The following KIRREL3 variants were observed in gnomAD, a reference collection of about 807,000 sequenced individuals.
KIRREL3 encodes the protein kin of IRRE-like protein 3.
KIRREL3 carries 36 observed loss-of-function variants against 89.7 expected under a neutral mutation model. That is an observed-to-expected ratio of 0.40 (90% CI 0.31 to 0.53). KIRREL3 has a LOEUF of 0.53. Ranked by LOEUF, KIRREL3 falls within the 20% of genes least tolerant of loss-of-function variation. The probability of loss-of-function intolerance (pLI) is 0.49; values close to 1 mark genes in which losing one functional copy is unlikely to be tolerated. For synonymous variants in KIRREL3, 445 were observed against 441.4 expected (o/e 1.01, Z -0.10); for missense variants, 864 against 1,056.6 (o/e 0.82, Z 2.53).
chr11:126,521,511 G>A lies in KIRREL3; in HGVS notation c.284-47C>T, dbSNP rs1958586038. On this transcript the variant is annotated intron_variant, in intron 3 of 16. Coordinates refer to ENST00000525144, the MANE Select transcript of KIRREL3 (RefSeq NM_032531.4). The surrounding 1 kb of genome is among the most constrained non-coding windows in gnomAD (Gnocchi z 4.1). ...CAGGGAGCTGGGGTGGGGTGGAGGG[G>A]ACACCCATGACAAAGAGGCACAGAA... is the stretch of plus-strand genomic sequence containing the variant. 1.3e-6 allele frequency: 2 copies of A among 1,516,408 alleles called. No homozygotes were observed. Among genetic ancestry groups the A allele is most frequent in the Admixed American group, 2.0e-5 (1 of 51,206 alleles). 93.9% of individuals were successfully genotyped at this position (1,516,408 alleles called of 1,614,324 possible). A position where few individuals can be genotyped will look rare whatever the true frequency, so the allele number is the denominator to read the frequency against.
At position 126,424,537 on chromosome 11, in the gene KIRREL3, C is replaced by T. The variant is rs768631658; in HGVS notation, c.*43G>A. On this transcript the variant is annotated 3_prime_UTR_variant, in exon 17 of 17. Coordinates refer to ENST00000525144, the MANE Select transcript of KIRREL3 (RefSeq NM_032531.4). ...CGTCCCTGGACAACCAGAACGTGCC[C>T]TGACCTCTTCCCTGGCCCGTCCCCA... 1 of 1,594,814 alleles carries T rather than the reference C, an allele frequency of 6.3e-7. No individual in the cohort carries two copies. The highest frequency in any genetic ancestry group is 1.1e-5 in the South Asian group (1 of 89,686).
chr11:126,530,577 A>G lies in KIRREL3; in HGVS notation c.134-3890T>C, dbSNP rs1009319524. Among the ~76,000 whole-genome samples the G allele has an allele frequency of 6.6e-6, 1 of 152,152 alleles. No homozygotes were observed. Among genetic ancestry groups the G allele is most frequent in the African/African-American group, 2.4e-5 (1 of 41,442 alleles). On this transcript the variant is annotated intron_variant, in intron 2 of 16. Coordinates refer to ENST00000525144, the MANE Select transcript of KIRREL3 (RefSeq NM_032531.4). The surrounding 1 kb of genome is among the most constrained non-coding windows in gnomAD (Gnocchi z 5.8). ...GGCACTGTGCTGTCTGGTGAGGAGC[A>G]GGGGAACAGGCCTGGCCACCCCTCC...
Position 126,624,803 on chromosome 11 carries a change from C to T in KIRREL3, c.56-61891G>A, listed in dbSNP as rs112803371. Among the ~76,000 whole-genome samples, 3,405 of 152,226 alleles carry T rather than the reference C, an allele frequency of 0.022. 128 individuals are homozygous for T. The highest frequency in any genetic ancestry group is 0.076 in the African/African-American group (3,136 of 41,526). On this transcript the variant is annotated intron_variant, in intron 1 of 16. Transcript: ENST00000525144. The surrounding 1 kb of genome is among the most constrained non-coding windows in gnomAD (Gnocchi z 6.0). ...CAGATGCTTGACTTGAGGCCAACTA[C>T]GGAGGGCAGAGCTGATGGAAGGGCC...
In KIRREL3 at chr11:126,744,660, G is replaced by A. The variant is rs535317007; in HGVS notation, c.56-181748C>T. On this transcript the variant is annotated intron_variant, in intron 1 of 16. Transcript: ENST00000525144. This position sits in a 1 kb window ranked among gnomAD's most constrained non-coding sequence, Gnocchi z 4.7. The stretch of plus-strand genomic sequence containing the variant: ...CCAGGCTAAGCCAGGGCTCCCTGGC[G>A]TGTGCCCCATGGTGCTGGCAATAGT... Among the ~76,000 whole-genome samples, 12 of 152,320 alleles carry A rather than the reference G, an allele frequency of 7.9e-5. No homozygotes were observed. In the South Asian group the frequency reaches 1.0e-3, roughly 13 times the overall value.
chr11:126,652,312 T>A lies in KIRREL3; in HGVS notation c.56-89400A>T, dbSNP rs564133097. Among the ~76,000 whole-genome samples, 1 of 152,188 alleles carries A rather than the reference T, an allele frequency of 6.6e-6. No individual in the cohort carries two copies. The highest frequency in any genetic ancestry group is 1.9e-4 in the East Asian group (1 of 5,170). On this transcript the variant is annotated intron_variant, in intron 1 of 16. Coordinates refer to ENST00000525144, the MANE Select transcript of KIRREL3 (RefSeq NM_032531.4). This position sits in a 1 kb window ranked among gnomAD's most constrained non-coding sequence, Gnocchi z 4.9. ...TGGGGTCTCTGTGGGTTGATGGATA[T>A]AAACCATCTTCTTTACTTAGGGCAC...
At chr11:126,856,071 T>C (rs1247679449) in intron 1 of KIRREL3, among the ~76,000 whole-genome samples, 4 of 152,176 alleles carry the variant, frequency 2.6e-5, no homozygotes, top group Admixed American at 2.6e-4. Flanking sequence ...AAATGCACCT[T>C]TCAAAAAGGG....
chr11:126,915,644 A>G lies in KIRREL3; in HGVS notation c.55+84811T>C, dbSNP rs77167436. On this transcript the variant is annotated intron_variant, in intron 1 of 16. Coordinates refer to ENST00000525144, the MANE Select transcript of KIRREL3 (RefSeq NM_032531.4). ...TAGTGTTGGAAGCTGAATGAGCACT[A>G]AAGTACCACTCATCTAACTCTCCTG... is the stretch of plus-strand genomic sequence containing the variant. 3.6e-3 allele frequency among the ~76,000 whole-genome samples: 546 copies of G among 152,300 alleles called. 30 individuals carry two copies. The East Asian group carries it at 0.097, about 27-fold the overall frequency.
At chr11:126,950,870 T>C (rs1948755921) in intron 1 of KIRREL3, among the ~76,000 whole-genome samples, 1 of 152,232 alleles carries the variant, frequency 6.6e-6, no homozygotes, top group South Asian at 2.1e-4. Flanking sequence ...GAACAAAGAT[T>C]AATCCTCCCA....
chr11:126,798,952 G>A (rs561164189), intron 1 of KIRREL3, among the ~76,000 whole-genome samples: 2 of 152,348 alleles, frequency 1.3e-5, no homozygotes, highest in East Asian at 3.9e-4. Context: ...CACATGCAGG[G>A]ACACACACGA....
In KIRREL3 at chr11:126,900,479, A is replaced by C. The variant is rs1377157381; in HGVS notation, c.55+99976T>G. Among the ~76,000 whole-genome samples the C allele has an allele frequency of 6.6e-6, 1 of 152,236 alleles. No homozygotes were observed. ...TCTCCAATTCCCTTTCCTTCTGCAA[A>C]GAGTTAAACAAAAAAGTAATTAAAC... On this transcript the variant is annotated intron_variant, in intron 1 of 16. Coordinates refer to ENST00000525144, the MANE Select transcript of KIRREL3 (RefSeq NM_032531.4). This position sits in a 1 kb window ranked among gnomAD's most constrained non-coding sequence, Gnocchi z 4.4.
intron 1 of KIRREL3, chr11:126,944,339 C>G (rs1948553538): frequency 6.6e-6 from 1 of 152,238 alleles, no homozygotes; most frequent in Non-Finnish European, 1.5e-5. Context: ...ACAGGAGCCT[C>G]TGCCATGAAC....
In KIRREL3 at chr11:126,830,594, C is replaced by T. The variant is rs1436384352; in HGVS notation, c.55+169861G>A. 2.6e-5 allele frequency among the ~76,000 whole-genome samples: 4 copies of T among 152,114 alleles called. No homozygotes were observed. Among genetic ancestry groups the T allele is most frequent in the Admixed American group, 2.0e-4 (3 of 15,270 alleles). The stretch of plus-strand genomic sequence containing the variant: ...CGGTGACAGTCATCTCTTAGTGTTT[C>T]GATTTTAGAGCGGCTGTTAAGAGCC... On this transcript the variant is annotated intron_variant, in intron 1 of 16. Coordinates refer to ENST00000525144, the MANE Select transcript of KIRREL3 (RefSeq NM_032531.4). The surrounding 1 kb of genome is among the most constrained non-coding windows in gnomAD (Gnocchi z 4.9).
chr11:126,593,285 A>G (rs1397087587), intron 1 of KIRREL3, among the ~76,000 whole-genome samples: 1 of 152,162 alleles, frequency 6.6e-6, no homozygotes, highest in Non-Finnish European at 1.5e-5. Context: ...TTAACTGGTG[A>G]CTTGAAAATT....
Position 126,606,381 on chromosome 11 carries a change from G to A in KIRREL3, c.56-43469C>T, listed in dbSNP as rs1828558892. ...CAGTTTCCAAGTCTGTAAAATACGG[G>A]GAAATAATACCTAACTCATGGAGCT... On this transcript the variant is annotated intron_variant, in intron 1 of 16. Transcript: ENST00000525144. The surrounding 1 kb of genome is among the most constrained non-coding windows in gnomAD (Gnocchi z 4.6). Among the ~76,000 whole-genome samples, 2 of 152,116 alleles carry A rather than the reference G, an allele frequency of 1.3e-5. No individual in the cohort carries two copies. The highest frequency in any genetic ancestry group is 2.1e-4 in the South Asian group (1 of 4,816).
chr11:126,588,674 A>C (rs887707027), intron 1 of KIRREL3, among the ~76,000 whole-genome samples: 2 of 152,210 alleles, frequency 1.3e-5, no homozygotes, highest in African/African-American at 4.8e-5. Context: ...TTACCAATTT[A>C]TTATGCTTTT....
intron 6 of KIRREL3, among the ~76,000 whole-genome samples, chr11:126,461,137 G>A (rs984319789): frequency 3.3e-5 from 5 of 152,252 alleles, no homozygotes; most frequent in African/African-American, 9.6e-5. Flanking sequence ...AGGAACCAGA[G>A]TCCCCTAGGG....
chr11:126,844,056 C>T lies in KIRREL3; in HGVS notation c.55+156399G>A, dbSNP rs1234557170. On this transcript the variant is annotated intron_variant, in intron 1 of 16. Transcript: ENST00000525144. The surrounding 1 kb of genome is among the most constrained non-coding windows in gnomAD (Gnocchi z 4.8). ...GCTTTCACTTTATGCTCTGGACTCG[C>T]CCTGAATTCTTTCTTGTACGAGATC... 6.6e-6 allele frequency among the ~76,000 whole-genome samples: 1 copy of T among 152,156 alleles called. No individual in the cohort carries two copies. The highest frequency in any genetic ancestry group is 6.5e-5 in the Admixed American group (1 of 15,282).
chr11:126,638,911 A>G (rs1231156076), intron 1 of KIRREL3, among the ~76,000 whole-genome samples: 2 of 152,018 alleles, frequency 1.3e-5, no homozygotes, highest in Non-Finnish European at 2.9e-5. Flanking sequence ...GTAATTACCT[A>G]TTTCCTTTTC....
chr11:126,667,207 A>G (rs1418374705), intron 1 of KIRREL3, among the ~76,000 whole-genome samples: 1 of 152,242 alleles, frequency 6.6e-6, no homozygotes, highest in Non-Finnish European at 1.5e-5. Context: ...CCACTAATGA[A>G]TTCAATCGCA....
Sources: gnomAD v4.1 joint callset for allele counts (sites outside exome capture counted in the v4.1 genomes callset) on GRCh38, gnomAD v4.1.1 for gene constraint, Gnocchi (gnomAD v3.1) non-coding constraint, MANE v1.5 for transcripts, NCBI Gene and HGNC (gene_info 2026-07-23, HGNC 2026-07-21) for gene names.